The following SPAG9 variants were observed in gnomAD, a reference collection of about 807,000 sequenced individuals.
SPAG9 encodes the protein C-Jun-amino-terminal kinase-interacting protein 4.
Under a neutral mutation model 166.5 loss-of-function variants are expected in SPAG9, and 35 were observed. The ratio of observed to expected loss-of-function variants is 0.21; its 90% CI spans 0.16 to 0.28. SPAG9 has a LOEUF of 0.28. Among genes scored for constraint, SPAG9 ranks in the 10% least tolerant of loss-of-function variants. SPAG9 has a pLI of 1.00. For synonymous variants in SPAG9, 534 were observed against 565.5 expected (o/e 0.94, Z 0.79); for missense variants, 1,235 against 1,603.3 (o/e 0.77, Z 3.92).
chr17:51,012,462 C>T (rs1168478617), intron 9 of SPAG9, among the ~76,000 whole-genome samples: 9 of 151,324 alleles, frequency 5.9e-5, no homozygotes, highest in Admixed American at 2.0e-4. Flanking sequence ...CCCAGCTACT[C>T]GGGAGGCTGA....
chr17:51,034,230 T>C (rs1455343204), intron 5 of SPAG9, among the ~76,000 whole-genome samples: 3 of 152,198 alleles, frequency 2.0e-5, no homozygotes, highest in Non-Finnish European at 4.4e-5. Flanking sequence ...TCTACTTTTA[T>C]TTTACCCTAG....
At chr17:51,013,883 T>TAC (rs1397991419) in intron 9 of SPAG9, among the ~76,000 whole-genome samples, 3 of 114,450 alleles carry the variant, frequency 2.6e-5, no homozygotes, top group Admixed American at 2.1e-4. Flanking sequence ...CATCAATCCA[T>TAC]ACACACACAC....
chr17:51,009,102 A>G (rs532354582), intron 9 of SPAG9: 18 of 444,830 alleles, frequency 4.0e-5, no homozygotes, highest in Non-Finnish European at 8.1e-5. Flanking sequence ...AAAAAGCAGT[A>G]ATATTAAAAT....
chr17:51,056,920 ATCT>A (rs546827518), intron 2 of SPAG9, among the ~76,000 whole-genome samples: 3 of 152,090 alleles, frequency 2.0e-5, no homozygotes, highest in Non-Finnish European at 2.9e-5. Context: ...TCAGGGACTC[ATCT>A]TCTTTTATTT....
chr17:50,990,682 C>T lies in SPAG9; in HGVS notation c.2399-14G>A. 6.3e-7 allele frequency: 1 copy of T among 1,597,834 alleles called. No homozygotes were observed. The highest frequency in any genetic ancestry group is 8.6e-7 in the Non-Finnish European group (1 of 1,165,348). On this transcript the variant is annotated splice_polypyrimidine_tract_variant and intron_variant, in intron 19 of 29. Transcript: ENST00000262013. ...TTTCTCGTGCACCTGAAAAATAAATCTTCTTGTAACAGCAAAGTAAACTTC... is the reference window on the plus strand; with the variant it reads ...TTTCTCGTGCACCTGAAAAATAAATTTTCTTGTAACAGCAAAGTAAACTTC...
chr17:50,980,895 G>C (rs1012606152), intron 25 of SPAG9, among the ~76,000 whole-genome samples: 4 of 152,168 alleles, frequency 2.6e-5, no homozygotes, highest in Non-Finnish European at 4.4e-5. Flanking sequence ...TCAGCTACCT[G>C]GGAGGCTGAA....
chr17:51,072,261 G>A (rs994372324), intron 2 of SPAG9, among the ~76,000 whole-genome samples: 4 of 151,094 alleles, frequency 2.6e-5, no homozygotes, highest in African/African-American at 9.7e-5. Context: ...TAGTAGAGAC[G>A]GAGTTTCACC....
chr17:51,026,320 GAAAAAAAAAAAA>G (rs55851511), intron 6 of SPAG9, among the ~76,000 whole-genome samples: 38 of 89,434 alleles, frequency 4.2e-4, no homozygotes, highest in South Asian at 3.2e-3. Context: ...GGTGAAAAGA[GAAAAAAAAAAAA>G]AAAAAAAAAA....
intron 5 of SPAG9, among the ~76,000 whole-genome samples, chr17:51,035,160 T>TA (rs1237085396): frequency 3.3e-5 from 5 of 152,082 alleles, no homozygotes; most frequent in Admixed American, 1.3e-4. Flanking sequence ...AAATTTTTTT[T>TA]AAAAAAGCAA....
At chr17:51,104,849 C>T (rs1454569573) in intron 1 of SPAG9, among the ~76,000 whole-genome samples, 1 of 146,044 alleles carries the variant, frequency 6.8e-6, no homozygotes, top group Non-Finnish European at 1.5e-5. Flanking sequence ...AGGAGAATGG[C>T]GTGAACCTGG....
intron 1 of SPAG9, chr17:51,085,604 C>T (rs1395606327): frequency 6.6e-6 from 1 of 152,020 alleles, no homozygotes; most frequent in African/African-American, 2.4e-5. Flanking sequence ...CAGGAAAGTA[C>T]GAGCAATAAT....
At chr17:50,995,667 T>C in intron 16 of SPAG9, 134 bp from the exon 17 acceptor site, 2 of 630,420 alleles carry the variant, frequency 3.2e-6, no homozygotes, top group Non-Finnish European at 5.5e-6. Flanking sequence ...AGGTTTTTTG[T>C]TTTTTTGTTT....
chr17:51,078,490 T>C (rs960629254), intron 2 of SPAG9, among the ~76,000 whole-genome samples: 6 of 152,114 alleles, frequency 3.9e-5, no homozygotes, highest in Non-Finnish European at 7.4e-5. Context: ...GTAATGTGGA[T>C]AGAGTAGCTG....
intron 5 of SPAG9, among the ~76,000 whole-genome samples, chr17:51,032,445 T>G (rs919459398): frequency 4.3e-4 from 66 of 152,296 alleles, no homozygotes; most frequent in African/African-American, 1.5e-3. Flanking sequence ...ATTACAGGCA[T>G]GAGCCATGTG....
chr17:51,027,797 G>A (rs1020795076), intron 6 of SPAG9, among the ~76,000 whole-genome samples: 2 of 152,086 alleles, frequency 1.3e-5, no homozygotes, highest in Non-Finnish European at 2.9e-5. Flanking sequence ...AATTTTCATT[G>A]TTATTTTAAA....
intron 1 of SPAG9, among the ~76,000 whole-genome samples, chr17:51,107,203 G>T (rs575541244): frequency 2.6e-5 from 4 of 151,960 alleles, no homozygotes; most frequent in Non-Finnish European, 5.9e-5. Flanking sequence ...TTGGGGGAAT[G>T]GGATAAGGTA....
chr17:51,098,208 G>T (rs1188160219), intron 1 of SPAG9, among the ~76,000 whole-genome samples: 1 of 151,938 alleles, frequency 6.6e-6, no homozygotes, highest in Non-Finnish European at 1.5e-5. Context: ...GTTGTAACAA[G>T]GTTCAAGGGT....
intron 1 of SPAG9, among the ~76,000 whole-genome samples, chr17:51,095,296 TAA>T (rs71149343): frequency 8.4e-5 from 7 of 83,518 alleles, no homozygotes; most frequent in African/African-American, 1.9e-4. Context: ...ACTCCATCTT[TAA>T]AAAAAAAAAA....
intron 16 of SPAG9, 136 bp downstream of exon 16, chr17:50,996,429 A>G: frequency 1.1e-6 from 1 of 947,308 alleles, no homozygotes. Context: ...ACCACCCTCC[A>G]TGCTTAAATG....
Sources: gnomAD v4.1 joint callset for allele counts (sites outside exome capture counted in the v4.1 genomes callset) on GRCh38, gnomAD v4.1.1 for gene constraint, MANE v1.5 for transcripts, NCBI Gene and HGNC (gene_info 2026-07-23, HGNC 2026-07-21) for gene names.